Variants in C11orf68 observed in about 807,000 individuals in gnomAD.
C11orf68 encodes the protein UPF0696 protein C11orf68.
In C11orf68, 3 loss-of-function variants were observed where a neutral mutation model predicts 4.7. The observed-to-expected ratio is 0.64, with a 90% CI of 0.29 to 1.66. The LOEUF (loss-of-function observed/expected upper bound fraction) is 1.66, where lower values mean the gene tolerates loss of function less well. C11orf68 is among the 40% of genes most tolerant of loss of function. The pLI, the probability that C11orf68 is intolerant of heterozygous loss-of-function variation, is 0.10. For missense variants in C11orf68, 422 were observed against 408.0 expected (o/e 1.03, Z -0.30); for synonymous variants, 186 against 167.8 (o/e 1.11, Z -0.84).
At chr11:65,918,639 C>A (rs1307685111) in intron 1 of C11orf68, among the ~76,000 whole-genome samples, 1 of 152,194 alleles carries the variant, frequency 6.6e-6, no homozygotes, top group Non-Finnish European at 1.5e-5. Context: ...AAGAAGCGCA[C>A]GTTCGCGCAG....
chr11:65,917,728 G>A lies in C11orf68; in HGVS notation c.613C>T (p.Arg205Cys), dbSNP rs771333855. 5 of 1,613,548 alleles carry A rather than the reference G, an allele frequency of 3.1e-6. No homozygotes were observed. The South Asian group carries it at 3.3e-5, about 11-fold the overall frequency. Residue 205 changes from arginine (R) to cysteine (C), a missense_variant, in exon 2 of 2, where the codon CGT becomes TGT. Physicochemically the swap from Arg to Cys is radical, Grantham distance 180 (BLOSUM62 -3). Transcript: ENST00000438576. ...ACCTGGCGCCCACCCTCCTTGGCAC[G>A]TGGGCTCACCTTGGCCACCTGAAGC... ...GQLQVAKVSP[R>C]AKEGGRQVIC...
Position 65,917,721 on chromosome 11 carries a change from T to C in C11orf68, c.620A>G (p.Lys207Arg). ...ACAGATGACCTGGCGCCCACCCTCC[T>C]TGGCACGTGGGCTCACCTTGGCCAC... Reference protein sequence around the residue: ...LQVAKVSPRAKEGGRQVICVY... With the variant: ...LQVAKVSPRAREGGRQVICVY... Residue 207 changes from lysine to arginine, a missense_variant, in exon 2 of 2, where the codon AAG (lysine) becomes AGG (arginine). Lys to Arg is a conservative substitution (Grantham distance 26). Transcript: ENST00000438576. The C allele has an allele frequency of 1.9e-6, 3 of 1,613,804 alleles. No homozygotes were observed. The highest frequency in any genetic ancestry group is 2.2e-5 in the South Asian group (2 of 91,086).
In C11orf68 at chr11:65,919,017, C is replaced by CGCG; in HGVS notation, c.14_15insCGC (p.Ala8dup). The CGCG allele has an allele frequency of 8.8e-7, 1 of 1,141,268 alleles. No individual in the cohort carries two copies. Among genetic ancestry groups the CGCG allele is most frequent in the Non-Finnish European group, 1.1e-6 (1 of 935,664 alleles). 70.7% of individuals were successfully genotyped at this position (1,141,268 alleles called of 1,614,324 possible). A position where few individuals can be genotyped will look rare whatever the true frequency, so the allele number is the denominator to read the frequency against. On this transcript the variant is annotated inframe_insertion, in exon 1 of 2. Transcript: ENST00000438576. ...GCCCCACCCCCGCCACGGCCGCCGC[C>CGCG]GCCGCCGCCGCCATCTTAGCGCCGC... is the stretch of plus-strand genomic sequence containing the variant.
chr11:65,917,535 T>C lies in C11orf68; in HGVS notation c.806A>G (p.Glu269Gly). Residue 269 changes from glutamate to glycine, a missense_variant, in exon 2 of 2, where the codon GAG becomes GGG. Glu to Gly is a moderately conservative substitution (Grantham distance 98). Coordinates refer to ENST00000438576, the MANE Select transcript of C11orf68 (RefSeq NM_001135635.2). Reference sequence around the variant, plus strand: ...ACTACCCCCAAGCTGGAAACGGCTCTCATAGAGAGTGGGGCAGAGGTGCCA... The same window carrying C: ...ACTACCCCCAAGCTGGAAACGGCTCCCATAGAGAGTGGGGCAGAGGTGCCA... Reference protein sequence around the residue: ...NRWHLCPTLYESRFQLGGSAR... With the variant: ...NRWHLCPTLYGSRFQLGGSAR... 6.2e-7 allele frequency: 1 copy of C among 1,614,030 alleles called. No homozygotes were observed. Among genetic ancestry groups the C allele is most frequent in the Non-Finnish European group, 8.5e-7 (1 of 1,180,014 alleles).
At chr11:65,918,654 C>G (rs981640232) in intron 1 of C11orf68, among the ~76,000 whole-genome samples, 25 of 152,176 alleles carry the variant, frequency 1.6e-4, no homozygotes, top group African/African-American at 2.2e-4. Context: ...GCGCAGCTCC[C>G]GAGGCCGGCT....
chr11:65,918,185 C>G lies in C11orf68; in HGVS notation c.156G>C (p.Glu52Asp). ...CATCCTCACGGCCACCTGGAGAGCC[C>G]TCCTCTTCCAGCTCCTCACCTGGTT... ...RMEPGEELEE[E>D]GSPGGREDGF... The change falls in exon 2 of 2, where the codon GAG (glutamate) becomes GAC (aspartate). Residue 52 changes from glutamate to aspartate, a missense_variant. Physicochemically the swap from Glu to Asp is conservative, Grantham distance 45. Coordinates refer to ENST00000438576, the MANE Select transcript of C11orf68 (RefSeq NM_001135635.2). 6.5e-7 allele frequency: 1 copy of G among 1,540,550 alleles called. No individual in the cohort carries two copies. Among genetic ancestry groups the G allele is most frequent in the Non-Finnish European group, 8.7e-7 (1 of 1,146,034 alleles).
Position 65,919,000 on chromosome 11 carries a change from C to CCCGCCACGG in C11orf68, c.23_31dup (p.Ala8_Ala10dup), listed in dbSNP as rs1307702263. ...CGCGCCACCGCCACCGCGCCCCACC[C>CCCGCCACGG]CCGCCACGGCCGCCGCCGCCGCCGC... On this transcript the variant is annotated inframe_insertion, in exon 1 of 2. Transcript: ENST00000438576. 2 of 1,158,876 alleles carry CCCGCCACGG rather than the reference C, an allele frequency of 1.7e-6. No homozygotes were observed. Among genetic ancestry groups the CCCGCCACGG allele is most frequent in the East Asian group, 4.5e-5 (1 of 22,460 alleles). The allele number at this position is 1,158,876 out of a possible 1,614,324, so 71.8% of individuals were successfully genotyped here. A position where few individuals can be genotyped will look rare whatever the true frequency, so the allele number is the denominator to read the frequency against.
Position 65,918,934 on chromosome 11 carries a change from C to G in C11orf68, c.98G>C (p.Gly33Ala). 1 of 1,254,092 alleles carries G rather than the reference C, an allele frequency of 8.0e-7. No individual in the cohort carries two copies. The highest frequency in any genetic ancestry group is 1.6e-5 in the African/African-American group (1 of 62,840). 77.7% of individuals were successfully genotyped at this position (1,254,092 alleles called of 1,614,324 possible). A position where few individuals can be genotyped will look rare whatever the true frequency, so the allele number is the denominator to read the frequency against. The change falls in exon 1 of 2, where the codon GGC becomes GCC. Residue 33 changes from glycine (G) to alanine (A), a missense_variant. Physicochemically the swap from Gly to Ala is moderately conservative, Grantham distance 60. Transcript: ENST00000438576. The part of the protein sequence containing the change: ...QERSRARGWA[G>A]VERSEGRSRM... ...CCTCCGGCCTTCGCTGCGTTCGACG[C>G]CGGCCCAGCCCCGGGCCCGGCTCCG...
rs1316327309 is a variant in C11orf68 at position 65,917,287 on chromosome 11, C to G, written c.*172G>C. On this transcript the variant is annotated 3_prime_UTR_variant, in exon 2 of 2. Coordinates refer to ENST00000438576, the MANE Select transcript of C11orf68 (RefSeq NM_001135635.2). ...GCCCCCCAGCCTGTGGGGCTTGTGT[C>G]AGCCCTGAACAGAGGGCAGAAGTTC... The G allele has an allele frequency of 1.2e-6, 1 of 813,184 alleles. No individual in the cohort carries two copies. Among genetic ancestry groups the G allele is most frequent in the Admixed American group, 2.5e-5 (1 of 39,622 alleles). 50.4% of individuals were successfully genotyped at this position (813,184 alleles called of 1,614,324 possible). A position where few individuals can be genotyped will look rare whatever the true frequency, so the allele number is the denominator to read the frequency against.
chr11:65,917,679 A>T lies in C11orf68; in HGVS notation c.662T>A (p.Phe221Tyr), dbSNP rs769012984. The T allele has an allele frequency of 6.2e-7, 1 of 1,614,016 alleles. No homozygotes were observed. Among genetic ancestry groups the T allele is most frequent in the Admixed American group, 1.7e-5 (1 of 60,026 alleles). The change falls in exon 2 of 2, where the codon TTC becomes TAC. Residue 221 changes from phenylalanine to tyrosine, a missense_variant. Phe to Tyr is a conservative substitution (Grantham distance 22). Coordinates refer to ENST00000438576, the MANE Select transcript of C11orf68 (RefSeq NM_001135635.2). ...CTCCAGTACACCCAAGCGGTCCGTG[A>T]AGTCGTCCGTGTAAACACAGATGAC... ...RQVICVYTDD[F>Y]TDRLGVLEAD...
rs1319887003 is a variant in C11orf68, at chr11:65,917,598, T to G, written c.743A>C (p.Asp248Ala). 1 of 1,614,064 alleles carries G rather than the reference T, an allele frequency of 6.2e-7. No homozygotes were observed. The highest frequency in any genetic ancestry group is 1.1e-5 in the South Asian group (1 of 91,082). The change falls in exon 2 of 2, where the codon GAT becomes GCT. Residue 248 changes from aspartate to alanine, a missense_variant. Physicochemically the swap from Asp to Ala is moderately radical, Grantham distance 126. Transcript: ENST00000438576. ...GIKCLLTYKP[D>A]VYTYLGIYRA... is the part of the protein sequence containing the mutation. ...GTAGATGCCCAGGTAGGTGTAGACA[T>G]CAGGCTTGTAGGTGAGCAGGCACTT...
chr11:65,917,621 C>T lies in C11orf68; in HGVS notation c.720G>A (p.Lys240=). The T allele has an allele frequency of 6.2e-7, 1 of 1,614,106 alleles. No homozygotes were observed. Among genetic ancestry groups the T allele is most frequent in the Non-Finnish European group, 8.5e-7 (1 of 1,180,012 alleles). The change falls in exon 2 of 2, where the codon AAG becomes AAA. Residue 240 remains lysine (K), a synonymous_variant. Transcript: ENST00000438576. Reference sequence around the variant, plus strand: ...CATCAGGCTTGTAGGTGAGCAGGCACTTAATGCCCGCTGCACGGATGGCTG... The same window carrying T: ...CATCAGGCTTGTAGGTGAGCAGGCATTTAATGCCCGCTGCACGGATGGCTG... ...ADSAIRAAGI[K]CLLTYKPDVY...
chr11:65,918,574 A>C (rs941997392), intron 1 of C11orf68, among the ~76,000 whole-genome samples: 1 of 151,434 alleles, frequency 6.6e-6, no homozygotes, highest in African/African-American at 2.4e-5. Context: ...GGCCCTGCCA[A>C]GGCCCCCTTT....
rs374355629 is a variant in C11orf68, at chr11:65,917,837, C to T, written c.504G>A (p.Ser168=). Residue 168 remains serine (S), a synonymous_variant, in exon 2 of 2, where the codon TCG becomes TCA. Transcript: ENST00000438576. ...RQLAITHHVL[S]GKWLMHLAPG... is the part of the protein sequence containing the mutation. ...GTGCCAGATGCATAAGCCACTTGCC[C>T]GAGAGCACGTGGTGGGTGATGGCGA... The T allele has an allele frequency of 5.6e-6, 9 of 1,611,778 alleles. No individual in the cohort carries two copies. The East Asian group carries it at 1.8e-4, about 32-fold the overall frequency.
In C11orf68 at chr11:65,917,496, C is replaced by A. The variant is rs867811757; in HGVS notation, c.845G>T (p.Arg282Leu). Reference protein sequence around the residue: ...FQLGGSARGSRVLDRANNVEL... With the variant: ...FQLGGSARGSLVLDRANNVEL... ...CACGTTGTTGGCACGGTCAAGCACT[C>A]GGGAGCCACGGGCACTACCCCCAAG... The change falls in exon 2 of 2, where the codon CGA becomes CTA. Residue 282 changes from arginine to leucine, a missense_variant. Arg to Leu is a moderately radical substitution (Grantham distance 102). Coordinates refer to ENST00000438576, the MANE Select transcript of C11orf68 (RefSeq NM_001135635.2). 1.9e-6 allele frequency: 3 copies of A among 1,613,496 alleles called. No individual in the cohort carries two copies. Among genetic ancestry groups the A allele is most frequent in the Middle Eastern group, 1.7e-4 (1 of 6,032 alleles).
Position 65,918,976 on chromosome 11 carries a change from G to GCGCCACCGCCACCGCGCCC in C11orf68, c.37_55dup (p.Ala19GlyfsTer35). The GCGCCACCGCCACCGCGCCC allele has an allele frequency of 8.4e-7, 1 of 1,184,348 alleles. No homozygotes were observed. Among genetic ancestry groups the GCGCCACCGCCACCGCGCCC allele is most frequent in the Non-Finnish European group, 1.0e-6 (1 of 959,250 alleles). The allele number at this position is 1,184,348 out of a possible 1,614,324, so 73.4% of individuals were successfully genotyped here. A position where few individuals can be genotyped will look rare whatever the true frequency, so the allele number is the denominator to read the frequency against. ...CCGGCTCCGCTCCTGCCGTGGCTCC[G>GCGCCACCGCCACCGCGCCC]CGCCACCGCCACCGCGCCCCACCCC... On this transcript the variant is annotated frameshift_variant, in exon 1 of 2. Coordinates refer to ENST00000438576, the MANE Select transcript of C11orf68 (RefSeq NM_001135635.2). LOFTEE classifies it high-confidence loss of function.
chr11:65,918,395 G>A, intron 1 of C11orf68, 177 bp from the exon 2 acceptor site: 1 of 684,770 alleles, frequency 1.5e-6, no homozygotes, highest in Non-Finnish European at 2.2e-6. Flanking sequence ...AGATGCCTGA[G>A]GAGTCAGCGC....
At chr11:65,918,432 T>C in intron 1 of C11orf68, 1 of 515,114 alleles carries the variant, frequency 1.9e-6, no homozygotes, top group South Asian at 4.8e-5. Flanking sequence ...CAGTTATTAC[T>C]ATTCTCCTTG....
At position 65,917,556 on chromosome 11, in the gene C11orf68, T is replaced by C; in HGVS notation, c.785A>G (p.His262Arg). ...YLGIYRANRW[H>R]LCPTLYESRF... ...GCTCTCATAGAGAGTGGGGCAGAGGTGCCAGCGATTGGCCCGGTAGATGCC... is the reference window on the plus strand; with the variant it reads ...GCTCTCATAGAGAGTGGGGCAGAGGCGCCAGCGATTGGCCCGGTAGATGCC... Residue 262 changes from histidine to arginine, a missense_variant, in exon 2 of 2, where the codon CAC becomes CGC. By Grantham distance (29) the His-to-Arg change is conservative. Coordinates refer to ENST00000438576, the MANE Select transcript of C11orf68 (RefSeq NM_001135635.2). 1 of 1,613,986 alleles carries C rather than the reference T, an allele frequency of 6.2e-7. No individual in the cohort carries two copies. Among genetic ancestry groups the C allele is most frequent in the Non-Finnish European group, 8.5e-7 (1 of 1,179,990 alleles).
Sources: allele counts gnomAD v4.1 joint callset (sites outside exome capture counted in the v4.1 genomes callset), GRCh38; gene constraint gnomAD v4.1.1; transcripts MANE v1.5; gene names NCBI Gene and HGNC (gene_info 2026-07-23, HGNC 2026-07-21).